The following DGKI variants were observed in gnomAD, a reference collection of about 807,000 sequenced individuals.
DGKI encodes the protein diacylglycerol kinase iota.
DGKI carries 55 observed loss-of-function variants against 147.5 expected under a neutral mutation model. The observed-to-expected ratio is 0.37, with a 90% CI of 0.30 to 0.47. The LOEUF (loss-of-function observed/expected upper bound fraction) is 0.47. Ranked by LOEUF, DGKI falls within the 20% of genes least tolerant of loss-of-function variation. The pLI is 1.00. For missense variants in DGKI, 1,007 were observed against 1,323.8 expected, an observed-to-expected ratio of 0.76 and a Z score of 3.71; for synonymous variants, 469 against 477.1, an observed-to-expected ratio of 0.98 and a Z score of 0.22.
chr7:137,782,403 C>T (rs888696741), intron 1 of DGKI, among the ~76,000 whole-genome samples: 4 of 152,120 alleles, frequency 2.6e-5, no homozygotes, highest in African/African-American at 9.7e-5. Flanking sequence ...CTCCATTGGC[C>T]TGGGAACCAC....
chr7:137,756,579 C>A (rs1022174809), intron 1 of DGKI, among the ~76,000 whole-genome samples: 2 of 152,130 alleles, frequency 1.3e-5, no homozygotes, highest in Non-Finnish European at 2.9e-5. Context: ...ACAAAGAAGC[C>A]ATTCAGTAAA....
intron 1 of DGKI, among the ~76,000 whole-genome samples, chr7:137,835,304 G>A (rs1254906503): frequency 5.3e-5 from 8 of 152,096 alleles, no homozygotes; most frequent in Non-Finnish European, 7.4e-5. Flanking sequence ...CCTGTGAACC[G>A]TGTGCGGCTC....
intron 1 of DGKI, among the ~76,000 whole-genome samples, chr7:137,779,761 C>T (rs750413790): frequency 4.6e-5 from 7 of 152,054 alleles, no homozygotes; most frequent in Admixed American, 3.9e-4. Context: ...TCTATAAATT[C>T]GTCATTATAA....
intron 10 of DGKI, among the ~76,000 whole-genome samples, chr7:137,600,488 A>G (rs1819951257): frequency 6.6e-6 from 1 of 152,178 alleles, no homozygotes; most frequent in Non-Finnish European, 1.5e-5. Flanking sequence ...GACTTGTTGC[A>G]AGGATTAAAA....
chr7:137,444,004 T>C, intron 28 of DGKI, 73 bp downstream of exon 28: 1 of 1,270,230 alleles, frequency 7.9e-7, no homozygotes, highest in Non-Finnish European at 1.1e-6. Context: ...TTATTTGCTC[T>C]GACAATGAAC....
At chr7:137,837,864 G>C (rs1798431573) in intron 1 of DGKI, among the ~76,000 whole-genome samples, 1 of 152,180 alleles carries the variant, frequency 6.6e-6, no homozygotes, top group Non-Finnish European at 1.5e-5. Context: ...GTTGTGCGCT[G>C]TCAGGGAAGC....
intron 27 of DGKI, among the ~76,000 whole-genome samples, chr7:137,444,371 A>G (rs1813629965): frequency 1.3e-5 from 2 of 152,198 alleles, no homozygotes; most frequent in Non-Finnish European, 2.9e-5. Flanking sequence ...TAGATTTACC[A>G]CACAAAAAAA....
intron 19 of DGKI, among the ~76,000 whole-genome samples, chr7:137,570,734 G>A (rs1818765594): frequency 6.6e-6 from 1 of 151,962 alleles, no homozygotes; most frequent in Admixed American, 6.6e-5. Context: ...TGGAATTACA[G>A]GCAGCACATC....
chr7:137,614,319 T>C (rs573650508), intron 8 of DGKI, among the ~76,000 whole-genome samples: 3 of 152,170 alleles, frequency 2.0e-5, no homozygotes, highest in African/African-American at 7.2e-5. Context: ...CATCTCATGA[T>C]ACATAAGTTT....
intron 28 of DGKI, among the ~76,000 whole-genome samples, chr7:137,442,052 G>T (rs1813531147): frequency 6.6e-6 from 1 of 152,072 alleles, no homozygotes; most frequent in South Asian, 2.1e-4. Flanking sequence ...GCTAGAAAAT[G>T]ATGAACAATT....
At chr7:137,486,212 A>G (rs1815552478) in intron 22 of DGKI, among the ~76,000 whole-genome samples, 1 of 152,120 alleles carries the variant, frequency 6.6e-6, no homozygotes, top group Non-Finnish European at 1.5e-5. Flanking sequence ...TTTTTTAAAA[A>G]TCCTACTTTT....
intron 28 of DGKI, among the ~76,000 whole-genome samples, chr7:137,436,068 C>A (rs796227375): frequency 3.7e-4 from 57 of 152,346 alleles, no homozygotes; most frequent in African/African-American, 1.3e-3. Flanking sequence ...GGCCACAGCA[C>A]CCAGCCAGTA....
intron 1 of DGKI, among the ~76,000 whole-genome samples, chr7:137,828,743 C>T (rs1424444803): frequency 6.6e-6 from 1 of 152,212 alleles, no homozygotes; most frequent in African/African-American, 2.4e-5. Flanking sequence ...AAGCTCTTTT[C>T]ACAGCTTCCT....
chr7:137,712,135 A>T lies in DGKI; in HGVS notation c.402-22133T>A, dbSNP rs142750785. On this transcript the variant is annotated intron_variant, in intron 1 of 32. Coordinates refer to ENST00000614521, the MANE Select transcript of DGKI (RefSeq NM_001321708.2). ...AATATTTGGTTAAATGTTAATAAAAAGCAAGGGAACAATAAGTGAAAAATT... is the reference window on the plus strand; with the variant it reads ...AATATTTGGTTAAATGTTAATAAAATGCAAGGGAACAATAAGTGAAAAATT... Among the ~76,000 whole-genome samples, 481 of 152,336 alleles carry T rather than the reference A, an allele frequency of 3.2e-3. 3 individuals carry two copies. The highest frequency in any genetic ancestry group is 0.01 in the African/African-American group (428 of 41,588).
intron 1 of DGKI, among the ~76,000 whole-genome samples, chr7:137,696,585 A>G (rs1195439299): frequency 6.6e-6 from 1 of 151,960 alleles, no homozygotes; most frequent in Non-Finnish European, 1.5e-5. Context: ...CAACACTGGT[A>G]CGGGCTTGGC....
intron 1 of DGKI, among the ~76,000 whole-genome samples, chr7:137,800,156 A>G (rs1028561121): frequency 6.6e-6 from 1 of 152,114 alleles, no homozygotes; most frequent in Admixed American, 6.5e-5. Context: ...TGGAGTTGAG[A>G]TTGTTGCTCA....
intron 1 of DGKI, among the ~76,000 whole-genome samples, chr7:137,720,260 T>C (rs994085928): frequency 1.4e-5 from 2 of 138,080 alleles, no homozygotes; most frequent in Admixed American, 1.4e-4. Flanking sequence ...CTTTTTTTTT[T>C]TTTTTTTTTT....
At chr7:137,479,600 G>A (rs1815299120) in intron 23 of DGKI, among the ~76,000 whole-genome samples, 2 of 152,126 alleles carry the variant, frequency 1.3e-5, no homozygotes, top group Admixed American at 1.3e-4. Flanking sequence ...ACACTAGTAA[G>A]TTTTCCAATT....
At chr7:137,588,408 G>C (rs953819938) in intron 12 of DGKI, among the ~76,000 whole-genome samples, 1 of 150,868 alleles carries the variant, frequency 6.6e-6, no homozygotes, top group African/African-American at 2.4e-5. Context: ...GAGCTAGGCT[G>C]TGACAGATAA....
Sources: allele counts gnomAD v4.1 joint callset (sites outside exome capture counted in the v4.1 genomes callset), GRCh38; gene constraint gnomAD v4.1.1; transcripts MANE v1.5; gene names NCBI Gene and HGNC (gene_info 2026-07-23, HGNC 2026-07-21).